The following LINGO2 variants were observed in gnomAD, a reference collection of about 807,000 sequenced individuals.
LINGO2 encodes leucine-rich repeat and immunoglobulin-like domain-containing nogo receptor-interacting protein 2.
A neutral mutation model predicts 30.6 loss-of-function variants in LINGO2; 14 were observed. The observed-to-expected ratio is 0.46, with a 90% confidence interval of 0.30 to 0.72. The LOEUF (loss-of-function observed/expected upper bound fraction) is 0.72. LINGO2 is among the 30% of genes least tolerant of loss of function. The pLI, the probability that LINGO2 is intolerant of heterozygous loss-of-function variation, is 0.07. For synonymous variants in LINGO2, 317 were observed against 288.5 expected, an observed-to-expected ratio of 1.10 and a Z score of -1.00; for missense variants, 729 against 751.7, an observed-to-expected ratio of 0.97 and a Z score of 0.35.
intron 3 of LINGO2, among the ~76,000 whole-genome samples, chr9:28,344,484 A>G (rs538653438): frequency 6.6e-6 from 1 of 152,312 alleles, no homozygotes; most frequent in East Asian, 1.9e-4. Flanking sequence ...GTAATGAAAA[A>G]TGAGTATGTC....
chr9:29,170,406 A>C, the LINGO2 span, among the ~76,000 whole-genome samples: 1 of 152,188 alleles, frequency 6.6e-6, no homozygotes, highest in Admixed American at 6.5e-5. Context: ...ATGGGTACAC[A>C]TGACATACAA....
At chr9:27,946,927 A>G (rs1563841044), downstream of LINGO2, among the ~76,000 whole-genome samples, 1 of 152,014 alleles carries the variant, frequency 6.6e-6, no homozygotes, top group Non-Finnish European at 1.5e-5. Context: ...TCCTACTTTT[A>G]TTGGGGTCAA....
downstream of LINGO2, among the ~76,000 whole-genome samples, chr9:27,946,414 T>TA (rs1445988161): frequency 6.6e-6 from 1 of 152,170 alleles, no homozygotes; most frequent in African/African-American, 2.4e-5. Flanking sequence ...CAAAATCTTT[T>TA]AACTAAATCT....
the LINGO2 span, among the ~76,000 whole-genome samples, chr9:29,117,984 G>A: frequency 2.2e-4 from 33 of 152,176 alleles, no homozygotes; most frequent in Admixed American, 1.4e-3. Context: ...ATCTCAGATC[G>A]CTGCATAAAA....
chr9:28,991,450 T>C, the LINGO2 span, among the ~76,000 whole-genome samples: 6,158 of 148,768 alleles, frequency 0.041, 198 homozygotes, highest in Admixed American at 0.083. Context: ...TGCAGGATAT[T>C]ATCCAGGAGA....
At chr9:29,072,631 CAA>C in the LINGO2 span, among the ~76,000 whole-genome samples, 2 of 109,724 alleles carry the variant, frequency 1.8e-5, no homozygotes, top group South Asian at 3.1e-4. Context: ...ATATATATAT[CAA>C]GAGTCCTAAA....
chr9:28,739,121 T>G, the LINGO2 span, among the ~76,000 whole-genome samples: 1 of 152,030 alleles, frequency 6.6e-6, no homozygotes, highest in Non-Finnish European at 1.5e-5. Context: ...AAATTTATTA[T>G]TTTTTACTTG....
At chr9:28,718,580 A>C in the LINGO2 span, among the ~76,000 whole-genome samples, 1 of 151,998 alleles carries the variant, frequency 6.6e-6, no homozygotes, top group African/African-American at 2.4e-5. Flanking sequence ...GCTCTGACTA[A>C]AACCTCTTAA....
At chr9:28,842,775 G>C in the LINGO2 span, among the ~76,000 whole-genome samples, 1 of 151,698 alleles carries the variant, frequency 6.6e-6, no homozygotes, top group African/African-American at 2.4e-5. Flanking sequence ...TATCCTCTCT[G>C]AGTCTCAATA....
chr9:28,018,037 G>A (rs560218207), intron 4 of LINGO2, among the ~76,000 whole-genome samples: 10 of 152,008 alleles, frequency 6.6e-5, no homozygotes, highest in South Asian at 2.1e-4. Context: ...AGAATAGAGC[G>A]CCTGAAAATA....
At chr9:28,388,896 TTC>T (rs34568011) in intron 2 of LINGO2, among the ~76,000 whole-genome samples, 21 of 150,714 alleles carry the variant, frequency 1.4e-4, no homozygotes, top group South Asian at 4.2e-4. Context: ...CTTTCTCTCT[TTC>T]TCTCTCTCTC....
the LINGO2 span, among the ~76,000 whole-genome samples, chr9:29,000,533 A>G: frequency 1.4e-4 from 21 of 151,928 alleles, 1 homozygote; most frequent in East Asian, 1.7e-3. Flanking sequence ...AACTTACTTA[A>G]AAATTAGAAA....
At chr9:28,751,480 T>C in the LINGO2 span, among the ~76,000 whole-genome samples, 1 of 151,934 alleles carries the variant, frequency 6.6e-6, no homozygotes, top group Non-Finnish European at 1.5e-5. Flanking sequence ...ATCTGACCCA[T>C]GAACATGGCC....
the LINGO2 span, among the ~76,000 whole-genome samples, chr9:29,026,717 A>T: frequency 6.6e-6 from 1 of 152,224 alleles, no homozygotes; most frequent in Admixed American, 6.5e-5. Flanking sequence ...CTAATTCCAT[A>T]ATCAGTATGG....
the LINGO2 span, among the ~76,000 whole-genome samples, chr9:28,932,171 C>CG: frequency 8.0e-3 from 322 of 40,494 alleles, 3 homozygotes; most frequent in South Asian, 0.03. Flanking sequence ...GTGGCGGGGG[C>CG]CGGGGGGGAT....
chr9:28,556,749 C>T (rs1335359832), intron 1 of LINGO2, among the ~76,000 whole-genome samples: 7 of 151,898 alleles, frequency 4.6e-5, no homozygotes, highest in Non-Finnish European at 1.0e-4. Flanking sequence ...TCAAACTATA[C>T]TACAAGGCTA....
chr9:28,304,151 G>A (rs1378462714), intron 3 of LINGO2, among the ~76,000 whole-genome samples: 1 of 151,576 alleles, frequency 6.6e-6, no homozygotes, highest in African/African-American at 2.4e-5. Flanking sequence ...TTCTGCTTAT[G>A]ACAGCCAGAG....
chr9:28,878,137 A>G, the LINGO2 span, among the ~76,000 whole-genome samples: 1 of 148,882 alleles, frequency 6.7e-6, no homozygotes, highest in Non-Finnish European at 1.5e-5. Flanking sequence ...CAGATGCAAT[A>G]AAAAATGATA....
intron 1 of LINGO2, among the ~76,000 whole-genome samples, chr9:28,533,429 C>A (rs955619151): frequency 6.6e-6 from 1 of 152,124 alleles, no homozygotes; most frequent in Non-Finnish European, 1.5e-5. Flanking sequence ...CCTTAAAAAT[C>A]TCCCCTGCAC....
Sources: gnomAD v4.1 joint callset for allele counts (sites outside exome capture counted in the v4.1 genomes callset) on GRCh38, gnomAD v4.1.1 for gene constraint, MANE v1.5 for transcripts, NCBI Gene and HGNC (gene_info 2026-07-23, HGNC 2026-07-21) for gene names.